Variants in CNKSR2 observed in about 807,000 individuals in gnomAD.
The protein encoded by CNKSR2 is connector enhancer of kinase suppressor of Ras 2, also known as CNK homolog protein 2.
In CNKSR2, 14 loss-of-function variants were observed where a neutral mutation model predicts 84.4. The ratio of observed to expected loss-of-function variants is 0.17; its 90% CI spans 0.11 to 0.26. The LOEUF is 0.26. CNKSR2 is among the 10% of genes least tolerant of loss of function. The pLI, the probability that CNKSR2 is intolerant of heterozygous loss-of-function variation, is 1.00. For missense variants in CNKSR2, 485 were observed against 771.2 expected (o/e 0.63, Z 4.40); for synonymous variants, 275 against 277.9 (o/e 0.99, Z 0.10).
intron 8 of CNKSR2, among the ~76,000 whole-genome samples, chrX:21,507,403 A>T (rs12007737): frequency 0.062 from 6,939 of 111,197 alleles, 536 homozygotes; most frequent in African/African-American, 0.21. Flanking sequence ...ATGGTCTCAT[A>T]TGGAGCTGAC....
intron 4 of CNKSR2, among the ~76,000 whole-genome samples, chrX:21,449,386 G>A (rs1438929944): frequency 9.2e-6 from 1 of 108,870 alleles, no homozygotes; most frequent in Non-Finnish European, 1.9e-5. Context: ...TTGACTGTGG[G>A]TAACAGTATG....
intron 20 of CNKSR2, among the ~76,000 whole-genome samples, chrX:21,634,874 AC>A (rs1406251825): frequency 2.8e-5 from 3 of 108,007 alleles, no homozygotes; most frequent in African/African-American, 1.0e-4. Context: ...ATATATATAT[AC>A]ATACATATAT....
intron 2 of CNKSR2, chrX:21,428,244 T>G (rs1326522379): frequency 8.9e-6 from 1 of 112,134 alleles, no homozygotes; most frequent in East Asian, 2.8e-4. Flanking sequence ...CTGTCTTTCT[T>G]CAGAGAAGCA....
intron 6 of CNKSR2, 54 bp from the exon 7 acceptor site, chrX:21,497,733 C>T: frequency 1.7e-6 from 1 of 601,902 alleles, no homozygotes; most frequent in South Asian, 2.4e-5. Context: ...TTACAATGTA[C>T]TTGAAAATTC....
At chrX:21,431,805 T>G (rs1023729556) in intron 2 of CNKSR2, among the ~76,000 whole-genome samples, 1 of 111,779 alleles carries the variant, frequency 8.9e-6, no homozygotes, top group African/African-American at 3.2e-5. Context: ...TATAACCCGT[T>G]TCTGCTATAA....
At position 21,638,727 on chromosome X, in the gene CNKSR2, A is replaced by C. The variant is rs748572553; in HGVS notation, c.2693-10104A>C. On this transcript the variant is annotated intron_variant, in intron 20 of 21. Coordinates refer to ENST00000379510, the MANE Select transcript of CNKSR2 (RefSeq NM_014927.5). ...CTCATTTCAAAATGTAATTGGCTAA[A>C]AGCTTGGTAAATAGTGAAATTTATT... is the stretch of plus-strand genomic sequence containing the variant. Among the ~76,000 whole-genome samples the C allele has an allele frequency of 4.5e-4, 51 of 112,535 alleles. 1 individual carries two copies. The highest frequency in any genetic ancestry group is 1.6e-3 in the African/African-American group (49 of 31,048).
At chrX:21,407,073 C>T (rs1041311624) in intron 1 of CNKSR2, among the ~76,000 whole-genome samples, 1 of 111,222 alleles carries the variant, frequency 9.0e-6, no homozygotes, top group East Asian at 2.8e-4. Flanking sequence ...AGTAACAGTA[C>T]TCTTCTCCAA....
intron 11 of CNKSR2, among the ~76,000 whole-genome samples, chrX:21,559,682 G>A (rs2092170914): frequency 9.0e-6 from 1 of 111,071 alleles, no homozygotes. Flanking sequence ...GCCATGTGAG[G>A]ACATGTTTAC....
intron 1 of CNKSR2, among the ~76,000 whole-genome samples, chrX:21,405,903 A>G (rs2090256211): frequency 2.7e-5 from 3 of 111,808 alleles, no homozygotes; most frequent in South Asian, 3.7e-4. Flanking sequence ...GGAAATGATC[A>G]TTCATGATTC....
intron 1 of CNKSR2, among the ~76,000 whole-genome samples, chrX:21,420,320 G>T (rs1381897983): frequency 8.9e-6 from 1 of 112,603 alleles, no homozygotes; most frequent in Non-Finnish European, 1.9e-5. Context: ...GCCCAGGGCA[G>T]GTCCAGAAAT....
chrX:21,601,378 T>A (rs2092481011), intron 18 of CNKSR2, 29 bp downstream of exon 18: 1 of 921,092 alleles, frequency 1.1e-6, no homozygotes, highest in Admixed American at 2.6e-5. Flanking sequence ...AAAATAATTA[T>A]GTTATACTTT....
At position 21,374,797 on chromosome X, in the gene CNKSR2, G is replaced by T. The variant is rs2146930038; in HGVS notation, c.-101G>T. 1 of 728,126 alleles carries T rather than the reference G, an allele frequency of 1.4e-6. No homozygotes were observed. Among genetic ancestry groups the T allele is most frequent in the Non-Finnish European group, 2.2e-6 (1 of 458,163 alleles). The allele number at this position is 728,126 out of a possible 1,213,427, so 60.0% of individuals were successfully genotyped here. A position where few individuals can be genotyped will look rare whatever the true frequency, so the allele number is the denominator to read the frequency against. On this transcript the variant is annotated 5_prime_UTR_variant, in exon 1 of 22. Transcript: ENST00000379510. ...GCTTTCTCCGCGCCGCCCGCCCAGG[G>T]AGGCTGCGGCCAGCAAGGGACCCCA... is the stretch of plus-strand genomic sequence containing the variant.
intron 4 of CNKSR2, among the ~76,000 whole-genome samples, chrX:21,451,615 G>T (rs760933431): frequency 1.0e-5 from 1 of 99,521 alleles, no homozygotes; most frequent in Non-Finnish European, 2.0e-5. Flanking sequence ...ACCAAACACC[G>T]CATGTTCTCA....
At chrX:21,537,864 G>C (rs1486094713) in intron 11 of CNKSR2, 3 of 107,961 alleles carry the variant, frequency 2.8e-5, no homozygotes, top group African/African-American at 1.0e-4. Flanking sequence ...TTACATTCAG[G>C]GTTGTTACTG....
chrX:21,608,508 G>A (rs746207836), intron 19 of CNKSR2, among the ~76,000 whole-genome samples: 111 of 111,715 alleles, frequency 9.9e-4, no homozygotes, highest in African/African-American at 3.5e-3. Context: ...CCCTAGCAAT[G>A]TATAGTCTCA....
chrX:21,501,330 A>T, intron 7 of CNKSR2, 190 bp from the exon 8 acceptor site: 1 of 275,436 alleles, frequency 3.6e-6, no homozygotes. Flanking sequence ...TTCTATGTTT[A>T]TTTAACTGGC....
chrX:21,617,973 C>T (rs1319931143), intron 20 of CNKSR2, among the ~76,000 whole-genome samples: 1 of 99,883 alleles, frequency 1.0e-5, no homozygotes, highest in Admixed American at 1.1e-4. Context: ...TGCCTAATGC[C>T]TTGATGCCTT....
intron 13 of CNKSR2, among the ~76,000 whole-genome samples, chrX:21,583,428 C>T (rs1402337458): frequency 9.0e-6 from 1 of 111,673 alleles, no homozygotes; most frequent in African/African-American, 3.3e-5. Flanking sequence ...TAAGAGAAAA[C>T]ATTTTTTGTA....
chrX:21,443,670 A>G (rs1299247125), intron 4 of CNKSR2, among the ~76,000 whole-genome samples: 3 of 111,766 alleles, frequency 2.7e-5, no homozygotes, highest in African/African-American at 9.7e-5. Context: ...TTACGCAGAA[A>G]CAATTAGTGC....
Sources: allele counts gnomAD v4.1 joint callset (sites outside exome capture counted in the v4.1 genomes callset), GRCh38; gene constraint gnomAD v4.1.1; transcripts MANE v1.5; gene names NCBI Gene and HGNC (gene_info 2026-07-23, HGNC 2026-07-21).